Variants in CTNNA2 observed in about 807,000 individuals in gnomAD.
CTNNA2 encodes catenin alpha 2.
A neutral mutation model predicts 101.0 loss-of-function variants in CTNNA2; 42 were observed. The observed-to-expected ratio is 0.42, with a 90% CI of 0.32 to 0.54. CTNNA2 has a LOEUF of 0.54. Ranked by LOEUF, CTNNA2 falls within the 20% of genes least tolerant of loss-of-function variation. The probability of loss-of-function intolerance (pLI) is 0.14; values close to 1 mark genes in which losing one functional copy is unlikely to be tolerated. For synonymous variants in CTNNA2, 450 were observed against 456.4 expected (o/e 0.99, Z 0.18); for missense variants, 871 against 1,223.1 (o/e 0.71, Z 4.29).
chr2:80,446,515 T>C (rs1333334355), intron 9 of CTNNA2, among the ~76,000 whole-genome samples: 1 of 152,348 alleles, frequency 6.6e-6, no homozygotes, highest in East Asian at 1.9e-4. Flanking sequence ...AAACATCGCA[T>C]GAATTCCTTG....
intron 9 of CTNNA2, among the ~76,000 whole-genome samples, chr2:80,421,516 C>T (rs1680525835): frequency 6.6e-6 from 1 of 152,204 alleles, no homozygotes; most frequent in Non-Finnish European, 1.5e-5. Context: ...GACACATCCA[C>T]CCTCTCCCCT....
intron 2 of CTNNA2, among the ~76,000 whole-genome samples, chr2:79,729,247 T>A (rs140954830): frequency 3.8e-4 from 58 of 152,266 alleles, no homozygotes; most frequent in African/African-American, 1.3e-3. Flanking sequence ...TGGTTGTATG[T>A]TCAATATTAT....
At chr2:80,563,476 G>A (rs1050111662) in intron 12 of CTNNA2, among the ~76,000 whole-genome samples, 3 of 152,208 alleles carry the variant, frequency 2.0e-5, no homozygotes, top group Non-Finnish European at 4.4e-5. Flanking sequence ...GAAATAACAG[G>A]TGAACAAAAG....
At chr2:79,290,513 C>T (rs534164628) in intron 2 of CTNNA2, among the ~76,000 whole-genome samples, 1 of 152,216 alleles carries the variant, frequency 6.6e-6, no homozygotes, top group East Asian at 1.9e-4. Context: ...ATGCCCCCGT[C>T]GTGTGCCTAT....
At chr2:79,440,061 A>G (rs1446528128) in intron 4 of CTNNA2, among the ~76,000 whole-genome samples, 1 of 152,178 alleles carries the variant, frequency 6.6e-6, no homozygotes, top group Non-Finnish European at 1.5e-5. Context: ...AAAATTTGAT[A>G]TAAAGGTATG....
intron 2 of CTNNA2, among the ~76,000 whole-genome samples, chr2:79,674,991 C>T (rs1683086432): frequency 6.6e-6 from 1 of 152,108 alleles, no homozygotes; most frequent in Admixed American, 6.5e-5. Context: ...TTGGCTTTCT[C>T]ATTTTTAAAT....
In CTNNA2 at chr2:79,464,076, T is replaced by C. The variant is rs530242735; in HGVS notation, c.-134-40978T>C. On this transcript the variant is annotated intron_variant, in intron 4 of 21. Transcript: ENST00000466387. ...TGTATAATGTGCCATGTTGGTGTGC[T>C]GCACTCATTAACTTGTCATTTAACA... Among the ~76,000 whole-genome samples, 3 of 152,172 alleles carry C rather than the reference T, an allele frequency of 2.0e-5. No homozygotes were observed. The East Asian group carries it at 5.8e-4, about 29-fold the overall frequency.
intron 7 of CTNNA2, among the ~76,000 whole-genome samples, chr2:80,126,138 C>T (rs545146595): frequency 1.3e-5 from 2 of 152,130 alleles, no homozygotes; most frequent in South Asian, 2.1e-4. Flanking sequence ...TACATTTTTA[C>T]CTTTCTTCTG....
chr2:80,638,915 T>A (rs1460132032), intron 18 of CTNNA2, among the ~76,000 whole-genome samples: 9 of 152,210 alleles, frequency 5.9e-5, no homozygotes, highest in Non-Finnish European at 1.3e-4. Context: ...CCTGACAGCC[T>A]GCAGTGCCTT....
chr2:79,373,855 T>C (rs1558651328), exon 4 of CTNNA2: 3 of 152,038 alleles, frequency 2.0e-5, no homozygotes, highest in South Asian at 2.1e-4. Context: ...ACTCAGAGCA[T>C]TTAAGCAGCC....
intron 7 of CTNNA2, among the ~76,000 whole-genome samples, chr2:79,984,391 T>G (rs1458066446): frequency 6.6e-6 from 1 of 152,134 alleles, no homozygotes; most frequent in African/African-American, 2.4e-5. Flanking sequence ...ACTTCAATAT[T>G]AAAAGATAAA....
At chr2:79,681,887 G>T (rs1243291632) in intron 2 of CTNNA2, among the ~76,000 whole-genome samples, 1 of 152,104 alleles carries the variant, frequency 6.6e-6, no homozygotes, top group Non-Finnish European at 1.5e-5. Context: ...ATTAAACAAA[G>T]TATCTTTGAG....
intron 2 of CTNNA2, among the ~76,000 whole-genome samples, chr2:79,736,485 A>G (rs911504422): frequency 2.6e-5 from 4 of 152,216 alleles, no homozygotes; most frequent in African/African-American, 9.6e-5. Flanking sequence ...TATCAAATAT[A>G]TTACTAGTTG....
chr2:79,200,298 C>T (rs567794417), intron 2 of CTNNA2, among the ~76,000 whole-genome samples: 41 of 151,712 alleles, frequency 2.7e-4, no homozygotes, highest in Non-Finnish European at 5.3e-4. Context: ...GCAGGAGAAT[C>T]GCTTGAACCT....
At chr2:79,731,928 A>G (rs1364814485) in intron 2 of CTNNA2, among the ~76,000 whole-genome samples, 2 of 151,862 alleles carry the variant, frequency 1.3e-5, no homozygotes, top group Non-Finnish European at 2.9e-5. Context: ...GAAATCACTC[A>G]TTTTCTCCTA....
In CTNNA2 at chr2:80,574,177, G is replaced by T; in HGVS notation, c.1756G>T (p.Ala586Ser). Residue 586 changes from alanine (A) to serine (S), a missense_variant, in exon 13 of 19, where the codon GCT (alanine) becomes TCT (serine). Physicochemically the swap from Ala to Ser is moderately conservative, Grantham distance 99. Around this residue, in one of 5 missense-constraint regions of CTNNA2, gnomAD observed 647 missense variants for 831.5 expected, o/e 0.78. Coordinates refer to ENST00000402739, the MANE Select transcript of CTNNA2 (RefSeq NM_001282597.3). ...LLSETVMPRFAEQVEVAIEAL... is the reference protein window; with the variant it reads ...LLSETVMPRFSEQVEVAIEAL... The stretch of plus-strand genomic sequence containing the variant: ...TTTTAACCCAGTGATGCCACGCTTC[G>T]CTGAACAAGTAGAGGTTGCCATTGA... 1.9e-6 allele frequency: 3 copies of T among 1,612,210 alleles called. 1 individual carries two copies. In the South Asian group the frequency reaches 3.3e-5, roughly 18 times the overall value.
intron 3 of CTNNA2, among the ~76,000 whole-genome samples, chr2:79,347,689 C>T (rs970966860): frequency 1.4e-4 from 21 of 151,920 alleles, no homozygotes; most frequent in Non-Finnish European, 2.5e-4. Flanking sequence ...CTTTTAAATG[C>T]CATAATGAGG....
At chr2:79,201,448 CCTT>C (rs1178980374) in intron 2 of CTNNA2, among the ~76,000 whole-genome samples, 3 of 63,916 alleles carry the variant, frequency 4.7e-5, no homozygotes, top group African/African-American at 2.2e-4. Flanking sequence ...AATTCACCTT[CCTT>C]CCCTGTTGGA....
intron 11 of CTNNA2, among the ~76,000 whole-genome samples, chr2:80,552,294 C>T (rs750394269): frequency 2.6e-5 from 4 of 151,888 alleles, no homozygotes; most frequent in African/African-American, 4.8e-5. Context: ...TTGCTTGACG[C>T]AGAGTTGCAA....
Sources: gnomAD v4.1 joint callset for allele counts (sites outside exome capture counted in the v4.1 genomes callset) on GRCh38, gnomAD v4.1.1 for gene constraint, gnomAD v4.1.1 regional missense constraint, MANE v1.5 for transcripts, NCBI Gene and HGNC (gene_info 2026-07-23, HGNC 2026-07-21) for gene names.